GRIN2A: variants seen among roughly 807,000 people sequenced by gnomAD.
The protein encoded by GRIN2A is glutamate receptor ionotropic, NMDA 2A.
In GRIN2A, 22 loss-of-function variants were observed where a neutral mutation model predicts 113.4. The observed-to-expected ratio is 0.19, with a 90% CI of 0.14 to 0.28. The LOEUF (loss-of-function observed/expected upper bound fraction) is 0.28, where lower values mean the gene tolerates loss of function less well. Among genes scored for constraint, GRIN2A ranks in the 10% least tolerant of loss-of-function variants. The pLI is 1.00. For synonymous variants in GRIN2A, 827 were observed against 738.4 expected (o/e 1.12, Z -1.94); for missense variants, 1,502 against 1,887.0 (o/e 0.80, Z 3.78).
At chr16:10,116,086 T>C (rs1314307028) in intron 2 of GRIN2A, among the ~76,000 whole-genome samples, 1 of 152,176 alleles carries the variant, frequency 6.6e-6, no homozygotes, top group Non-Finnish European at 1.5e-5. Flanking sequence ...CCATCAATGA[T>C]AGACTGGATA....
At chr16:10,109,632 CA>C (rs200838519) in intron 2 of GRIN2A, among the ~76,000 whole-genome samples, 329 of 125,456 alleles carry the variant, frequency 2.6e-3, no homozygotes, top group East Asian at 4.0e-3. Context: ...AACCAGATTA[CA>C]AAAAAAAAAA....
In GRIN2A at chr16:10,151,498, C is replaced by G. The variant is rs894216306; in HGVS notation, c.414+28500G>C. The stretch of plus-strand genomic sequence containing the variant: ...GTGCAAACATATTACCCTAAAACTC[C>G]ATGGTTCCCTAGGGACTCAATTCAA... On this transcript the variant is annotated intron_variant, in intron 2 of 12. Coordinates refer to ENST00000330684, the MANE Select transcript of GRIN2A (RefSeq NM_001134407.3). Among the ~76,000 whole-genome samples the G allele has an allele frequency of 9.2e-5, 14 of 152,302 alleles. No individual in the cohort carries two copies. The South Asian group carries it at 1.0e-3, about 11-fold the overall frequency.
chr16:9,800,223 C>A (rs946884049), intron 10 of GRIN2A, among the ~76,000 whole-genome samples: 2 of 152,150 alleles, frequency 1.3e-5, no homozygotes, highest in Admixed American at 1.3e-4. Context: ...GATCCACCCA[C>A]CTCGGCTTCC....
chr16:9,961,008 G>T (rs9930012), intron 2 of GRIN2A, among the ~76,000 whole-genome samples: 2,591 of 152,260 alleles, frequency 0.017, 75 homozygotes, highest in African/African-American at 0.06. Context: ...TATTGTTGTT[G>T]TCATTTACGT....
intron 11 of GRIN2A, among the ~76,000 whole-genome samples, chr16:9,778,798 A>T (rs1479392753): frequency 6.6e-6 from 1 of 152,128 alleles, no homozygotes; most frequent in African/African-American, 2.4e-5. Context: ...CTCTTGTCTG[A>T]CCCATGTCCA....
chr16:9,932,227 T>C (rs1160969502), intron 3 of GRIN2A, among the ~76,000 whole-genome samples: 2 of 152,176 alleles, frequency 1.3e-5, no homozygotes, highest in African/African-American at 4.8e-5. Context: ...AATCACATGA[T>C]GGCCTTTTTG....
intron 5 of GRIN2A, among the ~76,000 whole-genome samples, chr16:9,846,481 G>C (rs1463934196): frequency 6.6e-6 from 1 of 152,124 alleles, no homozygotes; most frequent in Non-Finnish European, 1.5e-5. Context: ...CTGAGATCTG[G>C]GCACTTGCAT....
At chr16:9,988,641 C>T (rs1485251000) in intron 2 of GRIN2A, among the ~76,000 whole-genome samples, 11 of 151,930 alleles carry the variant, frequency 7.2e-5, no homozygotes, top group Non-Finnish European at 1.5e-4. Context: ...GTGATAGGTG[C>T]CTTAAACAAT....
At chr16:10,073,325 T>C (rs2047797564) in intron 2 of GRIN2A, among the ~76,000 whole-genome samples, 1 of 152,134 alleles carries the variant, frequency 6.6e-6, no homozygotes, top group Non-Finnish European at 1.5e-5. Context: ...GCAAGGCCCA[T>C]GGAAGACAGA....
intron 2 of GRIN2A, among the ~76,000 whole-genome samples, chr16:10,117,427 T>C (rs1283864336): frequency 6.6e-6 from 1 of 152,248 alleles, no homozygotes; most frequent in Non-Finnish European, 1.5e-5. Context: ...TGATAAATGC[T>C]GAAGCTGGAT....
intron 2 of GRIN2A, among the ~76,000 whole-genome samples, chr16:10,117,260 A>C (rs1366785157): frequency 1.3e-5 from 2 of 152,168 alleles, no homozygotes; most frequent in African/African-American, 4.8e-5. Context: ...TTTCAGGTTC[A>C]CTTTTAATAG....
At chr16:9,951,360 C>G (rs1453606479) in intron 2 of GRIN2A, among the ~76,000 whole-genome samples, 1 of 152,236 alleles carries the variant, frequency 6.6e-6, no homozygotes, top group Non-Finnish European at 1.5e-5. Flanking sequence ...ATTCACCTCT[C>G]ATTGCTTTGG....
intron 2 of GRIN2A, among the ~76,000 whole-genome samples, chr16:9,959,188 G>C (rs1358105641): frequency 6.6e-6 from 1 of 152,162 alleles, no homozygotes; most frequent in African/African-American, 2.4e-5. Context: ...GGCTGGATTT[G>C]CACTCATCTG....
At chr16:10,169,633 G>A (rs1313724610) in intron 2 of GRIN2A, among the ~76,000 whole-genome samples, 1 of 152,174 alleles carries the variant, frequency 6.6e-6, no homozygotes, top group Non-Finnish European at 1.5e-5. Context: ...GGAAGGCAAA[G>A]TAGAAGAATG....
chr16:9,786,600 C>G (rs1902244919), intron 11 of GRIN2A, among the ~76,000 whole-genome samples: 1 of 152,094 alleles, frequency 6.6e-6, no homozygotes, highest in Admixed American at 6.6e-5. Flanking sequence ...CAGCCTTGCC[C>G]CTTTCCAGAT....
Position 10,124,012 on chromosome 16 carries a change from TC to T in GRIN2A, c.414+55985del, listed in dbSNP as rs368407841. Among the ~76,000 whole-genome samples, 19 of 152,300 alleles carry T rather than the reference TC, an allele frequency of 1.2e-4. No homozygotes were observed. The South Asian group carries it at 3.7e-3, about 30-fold the overall frequency. ...TAATCATCCCTCACAGAGCCCTTGT[TC>T]CCACCTTCTTTCCAGGCAGTAGAAA... is the stretch of plus-strand genomic sequence containing the variant. On this transcript the variant is annotated intron_variant, in intron 2 of 12. Transcript: ENST00000330684.
chr16:9,771,641 G>T (rs767257071), intron 11 of GRIN2A, among the ~76,000 whole-genome samples: 2 of 146,904 alleles, frequency 1.4e-5, no homozygotes, highest in Non-Finnish European at 3.0e-5. Context: ...TCCTTGTGAC[G>T]TCTGTAACTT....
chr16:10,118,233 C>T (rs1402980426), intron 2 of GRIN2A, among the ~76,000 whole-genome samples: 1 of 152,160 alleles, frequency 6.6e-6, no homozygotes, highest in African/African-American at 2.4e-5. Context: ...TGCTGGAAGC[C>T]AGATACCCTG....
At chr16:10,040,619 T>TACGC (rs1453737481) in intron 2 of GRIN2A, among the ~76,000 whole-genome samples, 2 of 150,786 alleles carry the variant, frequency 1.3e-5, no homozygotes, top group Non-Finnish European at 3.0e-5. Flanking sequence ...CATTCACAAC[T>TACGC]ACGCACACAT....
Sources: gnomAD v4.1 joint callset for allele counts (sites outside exome capture counted in the v4.1 genomes callset) on GRCh38, gnomAD v4.1.1 for gene constraint, MANE v1.5 for transcripts, NCBI Gene and HGNC (gene_info 2026-07-23, HGNC 2026-07-21) for gene names.